RBPJ: variants seen among roughly 807,000 people sequenced by gnomAD.
RBPJ encodes recombining binding protein suppressor of hairless.
RBPJ carries 9 observed loss-of-function variants against 67.8 expected under a neutral mutation model. The ratio of observed to expected loss-of-function variants is 0.13; its 90% confidence interval spans 0.08 to 0.23. The LOEUF (loss-of-function observed/expected upper bound fraction) is 0.23. RBPJ is among the 10% of genes least tolerant of loss of function. RBPJ has a pLI of 1.00. For missense variants in RBPJ, 305 were observed against 595.6 expected, an observed-to-expected ratio of 0.51 and a Z score of 5.08; for synonymous variants, 198 against 203.3, an observed-to-expected ratio of 0.97 and a Z score of 0.22.
intron 1 of RBPJ, among the ~76,000 whole-genome samples, chr4:26,300,057 T>C (rs1412694233): frequency 6.6e-6 from 1 of 152,158 alleles, no homozygotes; most frequent in East Asian, 1.9e-4. Context: ...GGCATGAAAT[T>C]GTTGGTTAAC....
intron 2 of RBPJ, 59 bp downstream of exon 2, chr4:26,386,450 T>C: frequency 8.9e-6 from 10 of 1,120,552 alleles, no homozygotes; most frequent in Non-Finnish European, 1.3e-5. Context: ...TAAATCTTAT[T>C]GTTTTAGATA....
At chr4:26,328,945 T>C (rs912345842) in intron 1 of RBPJ, among the ~76,000 whole-genome samples, 4 of 152,220 alleles carry the variant, frequency 2.6e-5, no homozygotes, top group Non-Finnish European at 2.9e-5. Context: ...AAGGTGATTA[T>C]TTGAATATTA....
chr4:26,429,249 C>A (rs1055635877), intron 8 of RBPJ, among the ~76,000 whole-genome samples: 1 of 152,170 alleles, frequency 6.6e-6, no homozygotes, highest in Non-Finnish European at 1.5e-5. Flanking sequence ...AGATTTATGT[C>A]GTGGTTTCCG....
chr4:26,283,649 C>G (rs1475864127), intron 1 of RBPJ, among the ~76,000 whole-genome samples: 1 of 142,270 alleles, frequency 7.0e-6, no homozygotes, highest in African/African-American at 2.6e-5. Context: ...TTTAACTAAA[C>G]TTTTTTTTTT....
intron 8 of RBPJ, 122 bp downstream of exon 8, chr4:26,428,982 A>G: frequency 1.4e-6 from 1 of 703,852 alleles, no homozygotes; most frequent in South Asian, 2.0e-5. Context: ...ATACACAGAT[A>G]TTTATCTCAG....
At chr4:26,216,554 G>C (rs567434389) in intron 1 of RBPJ, among the ~76,000 whole-genome samples, 2 of 152,202 alleles carry the variant, frequency 1.3e-5, no homozygotes, top group Admixed American at 1.3e-4. Context: ...GTCACTGAGG[G>C]CTTCCTAAGC....
intron 1 of RBPJ, among the ~76,000 whole-genome samples, chr4:26,277,795 T>C (rs1453255720): frequency 6.6e-6 from 1 of 152,190 alleles, no homozygotes; most frequent in Non-Finnish European, 1.5e-5. Flanking sequence ...GCCCCAAAAG[T>C]CCAGAGGAAG....
intron 1 of RBPJ, among the ~76,000 whole-genome samples, chr4:26,374,140 A>T (rs936273267): frequency 6.6e-6 from 1 of 151,966 alleles, no homozygotes; most frequent in Non-Finnish European, 1.5e-5. Flanking sequence ...GAGTTTCATC[A>T]TGTTGGCCAG....
the RBPJ span, among the ~76,000 whole-genome samples, chr4:26,145,552 G>A: frequency 4.6e-5 from 7 of 152,104 alleles, no homozygotes; most frequent in African/African-American, 9.7e-5. Flanking sequence ...AATTGCCCAC[G>A]TAAGCTCTTT....
At chr4:26,130,156 C>T in the RBPJ span, among the ~76,000 whole-genome samples, 29 of 152,276 alleles carry the variant, frequency 1.9e-4, no homozygotes, top group South Asian at 2.7e-3. Flanking sequence ...CCACCATGCC[C>T]AGCCTCAGAG....
chr4:26,190,139 A>T (rs746789903), intron 1 of RBPJ, among the ~76,000 whole-genome samples: 23 of 152,260 alleles, frequency 1.5e-4, no homozygotes, highest in Non-Finnish European at 3.2e-4. Context: ...TCTCAAGCAT[A>T]TGGAAATCAG....
At chr4:26,325,489 A>C (rs1723530069) in intron 1 of RBPJ, among the ~76,000 whole-genome samples, 1 of 152,214 alleles carries the variant, frequency 6.6e-6, no homozygotes, top group African/African-American at 2.4e-5. Flanking sequence ...TCTGGCACTT[A>C]AAACCCCTGC....
intron 1 of RBPJ, among the ~76,000 whole-genome samples, chr4:26,246,573 T>C (rs758884343): frequency 6.6e-6 from 1 of 152,314 alleles, no homozygotes; most frequent in East Asian, 1.9e-4. Flanking sequence ...AACCAAGGGA[T>C]TATAAACATA....
At chr4:26,247,481 G>A (rs2109231041) in intron 1 of RBPJ, among the ~76,000 whole-genome samples, 1 of 152,152 alleles carries the variant, frequency 6.6e-6, no homozygotes, top group East Asian at 1.9e-4. Flanking sequence ...CACGATCTTG[G>A]CTCACTACAA....
chr4:26,153,176 C>T, the RBPJ span, among the ~76,000 whole-genome samples: 2 of 152,194 alleles, frequency 1.3e-5, no homozygotes, highest in Non-Finnish European at 2.9e-5. Flanking sequence ...AGCTCAGCCA[C>T]CCATGTGGAC....
intron 1 of RBPJ, among the ~76,000 whole-genome samples, chr4:26,243,932 A>G (rs1045782832): frequency 1.3e-5 from 2 of 151,820 alleles, no homozygotes; most frequent in Non-Finnish European, 2.9e-5. Context: ...CGTCTCTACA[A>G]AAAAATACAA....
At chr4:26,217,768 A>AG (rs1376664237) in intron 1 of RBPJ, among the ~76,000 whole-genome samples, 2 of 152,162 alleles carry the variant, frequency 1.3e-5, no homozygotes, top group Non-Finnish European at 2.9e-5. Flanking sequence ...TGACAAAAAA[A>AG]CTTCTAAATT....
At position 26,299,853 on chromosome 4, in the gene RBPJ, T is replaced by G. The variant is rs56360150; in HGVS notation, c.-166-62593T>G. Among the ~76,000 whole-genome samples, 995 of 151,852 alleles carry G rather than the reference T, an allele frequency of 6.6e-3. 20 individuals are homozygous for G. The highest frequency in any genetic ancestry group is 0.023 in the African/African-American group (961 of 41,406). ...GCCACCACGCCTGACTAATTTTTTT[T>G]TTTGTTTTCGTATTTTTAGTAGAGA... On this transcript the variant is annotated intron_variant, in intron 1 of 4. Transcript: ENST00000512351.
intron 1 of RBPJ, among the ~76,000 whole-genome samples, chr4:26,244,150 C>CATATGTATAT (rs1719749034): frequency 7.1e-6 from 1 of 140,898 alleles, no homozygotes; most frequent in Admixed American, 7.6e-5. Flanking sequence ...TATGTGTACA[C>CATATGTATAT]ATATATGTAT....
Sources: gnomAD v4.1 joint callset for allele counts (sites outside exome capture counted in the v4.1 genomes callset) on GRCh38, gnomAD v4.1.1 for gene constraint, MANE v1.5 for transcripts, NCBI Gene and HGNC (gene_info 2026-07-23, HGNC 2026-07-21) for gene names.